FER1L5: variants seen among roughly 807,000 people sequenced by gnomAD.
FER1L5 encodes the protein fer-1 like family member 5.
A neutral mutation model predicts 279.9 loss-of-function variants in FER1L5; 187 were observed. The ratio of observed to expected loss-of-function variants is 0.67; its 90% CI spans 0.59 to 0.75. The LOEUF (loss-of-function observed/expected upper bound fraction) is 0.75. FER1L5 is among the 30% of genes least tolerant of loss of function. The pLI is 0.00. For missense variants in FER1L5, 2,091 were observed against 2,594.4 expected (o/e 0.81, Z 4.21); for synonymous variants, 921 against 989.7 (o/e 0.93, Z 1.30).
At chr2:96,687,578 T>G (rs2076977153) in intron 23 of FER1L5, 1 of 556,824 alleles carries the variant, frequency 1.8e-6, no homozygotes. Context: ...TCCCTGCTAC[T>G]CCCTCTGTGA....
chr2:96,691,609 CT>C lies in FER1L5; in HGVS notation c.3074del (p.Leu1025TrpfsTer5). Reference sequence around the variant, plus strand: ...CGCCCATATTCCTCCTGGAGGGGTCCTTGGTAAAGCCTCACAGGCTGGGTGA... The same window carrying C: ...CGCCCATATTCCTCCTGGAGGGGTCCTGGTAAAGCCTCACAGGCTGGGTGA... The part of the protein sequence containing the change: ...IAPIFLLEGS[L>X]AMDLKYHAGK... On this transcript the variant is annotated frameshift_variant and splice_region_variant, in exon 29 of 53. Transcript: ENST00000624922. LOFTEE classifies it high-confidence loss of function. This position sits in a 1 kb window ranked among gnomAD's most constrained non-coding sequence, Gnocchi z 6.0. 6.6e-7 allele frequency: 1 copy of C among 1,520,874 alleles called. No individual in the cohort carries two copies. The highest frequency in any genetic ancestry group is 1.7e-4 in the Middle Eastern group (1 of 5,806). The allele number at this position is 1,520,874 out of a possible 1,614,324, so 94.2% of individuals were successfully genotyped here.
intron 9 of FER1L5, among the ~76,000 whole-genome samples, chr2:96,659,366 T>TTCCTTCCTTCCTTCCTTCC (rs1573816278): frequency 1.3e-4 from 2 of 15,552 alleles, no homozygotes; most frequent in Non-Finnish European, 2.1e-4. Flanking sequence ...TCCTTCCTTC[T>TTCCTTCCTTCCTTCCTTCC]TTCTTTCTTT....
At chr2:96,646,297 C>A in intron 1 of FER1L5, 104 bp from the exon 2 acceptor site, 2 of 1,281,234 alleles carry the variant, frequency 1.6e-6, no homozygotes, top group Non-Finnish European at 2.2e-6. Context: ...CATGCCCGGC[C>A]GACTTGAAGT....
chr2:96,695,417 C>G (rs1034493229), intron 34 of FER1L5, 92 bp from the exon 35 acceptor site: 2 of 1,453,744 alleles, frequency 1.4e-6, no homozygotes, highest in Admixed American at 5.6e-5. Flanking sequence ...CCTGCTGCAC[C>G]GCTATTGCCC....
At chr2:96,680,631 A>G (rs1340746031) in intron 19 of FER1L5, among the ~76,000 whole-genome samples, 2 of 151,982 alleles carry the variant, frequency 1.3e-5, no homozygotes, top group Non-Finnish European at 2.9e-5. Flanking sequence ...GACACACTGT[A>G]TTTTACATAC....
intron 9 of FER1L5, among the ~76,000 whole-genome samples, chr2:96,659,390 T>A (rs372156747): frequency 8.7e-5 from 1 of 11,466 alleles, no homozygotes; most frequent in African/African-American, 6.3e-4. Context: ...TCTTTCTTTC[T>A]TTCTTTCTTT....
At chr2:96,686,790 G>A (rs770541155) in intron 23 of FER1L5, among the ~76,000 whole-genome samples, 5 of 150,848 alleles carry the variant, frequency 3.3e-5, no homozygotes, top group Non-Finnish European at 5.9e-5. Context: ...CCTGGGAGAC[G>A]GAGGTTGCAG....
chr2:96,647,223 T>C, intron 3 of FER1L5, 68 bp downstream of exon 3: 1 of 1,469,436 alleles, frequency 6.8e-7, no homozygotes, highest in Non-Finnish European at 9.3e-7. Flanking sequence ...GTGATCCTTG[T>C]CTCTAATCCA....
chr2:96,698,931 C>T lies in FER1L5; in HGVS notation c.4518+99C>T, dbSNP rs2077485925. On this transcript the variant is annotated intron_variant, in intron 41 of 52. Transcript: ENST00000624922. This position sits in a 1 kb window ranked among gnomAD's most constrained non-coding sequence, Gnocchi z 5.5. ...CTGCTGACACACAGAATGCCAACTC[C>T]CCATAGGCTCCGTGTGGTGCGAGGG... 2 of 1,528,742 alleles carry T rather than the reference C, an allele frequency of 1.3e-6. No individual in the cohort carries two copies. Among genetic ancestry groups the T allele is most frequent in the Admixed American group, 2.0e-5 (1 of 50,660 alleles). The allele number at this position is 1,528,742 out of a possible 1,614,324, so 94.7% of individuals were successfully genotyped here. A position where few individuals can be genotyped will look rare whatever the true frequency, so the allele number is the denominator to read the frequency against.
At chr2:96,682,330 G>T (rs938109963) in intron 19 of FER1L5, among the ~76,000 whole-genome samples, 3 of 151,786 alleles carry the variant, frequency 2.0e-5, no homozygotes, top group African/African-American at 7.3e-5. Context: ...GACCTCAGGT[G>T]ATCCTCCCGC....
chr2:96,703,487 T>G (rs1430354532), intron 50 of FER1L5, 36 bp from the exon 51 acceptor site: 14 of 1,612,512 alleles, frequency 8.7e-6, no homozygotes, highest in Non-Finnish European at 1.2e-5. Flanking sequence ...TCCTGCTGTC[T>G]GCACTCAGCC....
At position 96,694,040 on chromosome 2, in the gene FER1L5, T is replaced by C; in HGVS notation, c.3604T>C (p.Leu1202=). The stretch of plus-strand genomic sequence containing the variant: ...GTTGGGGAAGGAAGAGGGCGAGATC[T>C]TGGCATCCTGTGAGCTGATCCTCCA... ...KELGKEEGEI[L]ASCELILQTE... The change falls in exon 33 of 53, where the codon TTG becomes CTG. Residue 1202 remains leucine (L), a synonymous_variant. Transcript: ENST00000624922. This position sits in a 1 kb window ranked among gnomAD's most constrained non-coding sequence, Gnocchi z 4.6. The C allele has an allele frequency of 6.5e-7, 1 of 1,546,836 alleles. No individual in the cohort carries two copies. The highest frequency in any genetic ancestry group is 8.7e-7 in the Non-Finnish European group (1 of 1,146,934).
intron 23 of FER1L5, 111 bp downstream of exon 23, chr2:96,686,461 C>T (rs1410039042): frequency 8.0e-7 from 1 of 1,250,782 alleles, no homozygotes; most frequent in East Asian, 2.6e-5. Context: ...GTCCCTTAAC[C>T]ACATGGAATG....
In FER1L5 at chr2:96,642,936, G is replaced by A. The variant is rs2074946699; in HGVS notation, c.85+15G>A. On this transcript the variant is annotated intron_variant, in intron 1 of 52. Transcript: ENST00000624922. ...CGACTTCAGAGGTGAGAGCCTCCCT[G>A]GGTCCACATGGGAGAGAGAAGCCCC... is the stretch of plus-strand genomic sequence containing the variant. The A allele has an allele frequency of 6.5e-7, 1 of 1,547,168 alleles. No individual in the cohort carries two copies. Among genetic ancestry groups the A allele is most frequent in the Admixed American group, 2.0e-5 (1 of 50,450 alleles).
rs916835374 is a variant in FER1L5, at chr2:96,691,600, G to C, written c.3063G>C (p.Leu1021=). 1.3e-6 allele frequency: 2 copies of C among 1,529,590 alleles called. No individual in the cohort carries two copies. Among genetic ancestry groups the C allele is most frequent in the Non-Finnish European group, 1.8e-6 (2 of 1,136,250 alleles). 94.8% of individuals were successfully genotyped at this position (1,529,590 alleles called of 1,614,324 possible). Reference sequence around the variant, plus strand: ...AGGGCATCGCGCCCATATTCCTCCTGGAGGGGTCCTTGGTAAAGCCTCACA... The same window carrying C: ...AGGGCATCGCGCCCATATTCCTCCTCGAGGGGTCCTTGGTAAAGCCTCACA... ...KDKGIAPIFL[L]EGSLAMDLKY... is the part of the protein sequence containing the mutation. The change falls in exon 29 of 53, where the codon CTG becomes CTC. Residue 1021 remains leucine (L), a synonymous_variant. Transcript: ENST00000624922. The surrounding 1 kb of genome is among the most constrained non-coding windows in gnomAD (Gnocchi z 6.0).
chr2:96,672,991 G>T, intron 18 of FER1L5, 86 bp from the exon 19 acceptor site: 1 of 1,454,030 alleles, frequency 6.9e-7, no homozygotes, highest in Non-Finnish European at 9.2e-7. Flanking sequence ...TTGAAAGAAA[G>T]ATACCTCATC....
chr2:96,659,367 TTC>T (rs1491264065), intron 9 of FER1L5, among the ~76,000 whole-genome samples: 1 of 11,480 alleles, frequency 8.7e-5, no homozygotes. Flanking sequence ...CCTTCCTTCT[TTC>T]TTTCTTTCTT....
intron 42 of FER1L5, 55 bp downstream of exon 42, chr2:96,699,191 G>A: frequency 6.5e-7 from 1 of 1,533,384 alleles, no homozygotes; most frequent in South Asian, 1.2e-5. Flanking sequence ...CACCACACTG[G>A]AAGTCGGCCG....
At chr2:96,658,626 C>T (rs2075696537) in intron 9 of FER1L5, among the ~76,000 whole-genome samples, 1 of 152,162 alleles carries the variant, frequency 6.6e-6, no homozygotes, top group Admixed American at 6.5e-5. Flanking sequence ...TGCCACTGTA[C>T]ATGCCCACCA....
Sources: allele counts gnomAD v4.1 joint callset (sites outside exome capture counted in the v4.1 genomes callset), GRCh38; gene constraint gnomAD v4.1.1; non-coding constraint Gnocchi (gnomAD v3.1); transcripts MANE v1.5; gene names NCBI Gene and HGNC (gene_info 2026-07-23, HGNC 2026-07-21).